Variants in HK1 observed in about 807,000 individuals in gnomAD.
HK1 encodes the protein hexokinase 1.
A neutral mutation model predicts 91.6 loss-of-function variants in HK1; 28 were observed. That is an observed-to-expected ratio of 0.31 (90% CI 0.23 to 0.42). The LOEUF (loss-of-function observed/expected upper bound fraction) is 0.42, where lower values mean the gene tolerates loss of function less well. Ranked by LOEUF, HK1 falls within the 10% of genes least tolerant of loss-of-function variation. The pLI is 1.00. For missense variants in HK1, 770 were observed against 1,219.8 expected (o/e 0.63, Z 5.49); for synonymous variants, 430 against 468.1 (o/e 0.92, Z 1.05).
At chr10:69,353,510 T>C (rs1360171796) in intron 2 of HK1, among the ~76,000 whole-genome samples, 3 of 152,066 alleles carry the variant, frequency 2.0e-5, no homozygotes, top group Middle Eastern at 3.4e-3. Context: ...GGAGGATCGC[T>C]TGGGCTCTGG....
At chr10:69,289,489 T>G (rs1845191930) in intron 3 of HK1, among the ~76,000 whole-genome samples, 1 of 121,564 alleles carries the variant, frequency 8.2e-6, no homozygotes, top group Admixed American at 9.0e-5. Flanking sequence ...TTTTTTTTTT[T>G]GAGATAGAGT....
intron 1 of HK1, 27 bp downstream of exon 1, chr10:69,319,037 G>T: frequency 6.3e-7 from 1 of 1,584,774 alleles, no homozygotes; most frequent in Non-Finnish European, 8.6e-7. Flanking sequence ...GCCGCCGCTG[G>T]TCCTGGCCGC....
chr10:69,302,265 A>G (rs540904038), intron 5 of HK1, among the ~76,000 whole-genome samples: 2 of 151,780 alleles, frequency 1.3e-5, no homozygotes, highest in South Asian at 4.2e-4. Context: ...GAAAAAAAAA[A>G]CTTATAAAGC....
intron 1 of HK1, among the ~76,000 whole-genome samples, chr10:69,276,939 C>T (rs540995648): frequency 3.1e-4 from 47 of 152,046 alleles, no homozygotes; most frequent in African/African-American, 9.9e-4. Flanking sequence ...TTTAGTCTCT[C>T]TTACCCCTAT....
Position 69,368,186 on chromosome 10 carries a change from A to T in HK1, c.496-350A>T, listed in dbSNP as rs936662093. ...TGGGAAGTGGGGAAGGGGGCCAGGG[A>T]TTTCTCTTGCTCCCTTTTAAAATAG... is the stretch of plus-strand genomic sequence containing the variant. On this transcript the variant is annotated intron_variant, in intron 4 of 17. Transcript: ENST00000359426. Among the ~76,000 whole-genome samples the T allele has an allele frequency of 2.0e-5, 3 of 152,280 alleles. 1 individual carries two copies. The highest frequency in any genetic ancestry group is 1.5e-5 in the Non-Finnish European group (1 of 68,008).
intron 17 of HK1, among the ~76,000 whole-genome samples, chr10:69,400,535 CT>C (rs1198145701): frequency 6.6e-6 from 1 of 152,172 alleles, no homozygotes; most frequent in African/African-American, 2.4e-5. Flanking sequence ...GCTTGGCTGG[CT>C]TGCACCTGCC....
intron 3 of HK1, among the ~76,000 whole-genome samples, chr10:69,360,956 G>A (rs1199051068): frequency 6.6e-6 from 1 of 152,252 alleles, no homozygotes; most frequent in African/African-American, 2.4e-5. Context: ...TTTAAGGAGG[G>A]TGTGCTCACC....
chr10:69,308,767 A>G (rs552337988), intron 5 of HK1, among the ~76,000 whole-genome samples: 2 of 152,234 alleles, frequency 1.3e-5, no homozygotes, highest in African/African-American at 4.8e-5. Context: ...TCTTCTCTCA[A>G]TTAGGCACTA....
At chr10:69,381,546 CTTTT>C (rs35306200) in intron 9 of HK1, among the ~76,000 whole-genome samples, 45 of 132,228 alleles carry the variant, frequency 3.4e-4, no homozygotes, top group Middle Eastern at 3.8e-3. Flanking sequence ...TCATCTTAAC[CTTTT>C]TTTTTTTTTT....
At chr10:69,328,517 C>T (rs116709257) in intron 1 of HK1, among the ~76,000 whole-genome samples, 4,484 of 152,296 alleles carry the variant, frequency 0.029, 98 homozygotes, top group African/African-American at 0.06. Context: ...CTTAGTTCAT[C>T]CCCACAACGC....
intron 1 of HK1, among the ~76,000 whole-genome samples, chr10:69,326,036 G>A (rs147963962): frequency 0.019 from 2,849 of 150,474 alleles, 102 homozygotes; most frequent in African/African-American, 0.066. Context: ...GGGTTTCACC[G>A]TGTTGGCCAG....
At position 69,380,136 on chromosome 10, in the gene HK1, T is replaced by A; in HGVS notation, c.1265+41T>A. The A allele has an allele frequency of 4.7e-6, 7 of 1,483,532 alleles. No homozygotes were observed. Among genetic ancestry groups the A allele is most frequent in the Non-Finnish European group, 6.6e-6 (7 of 1,060,996 alleles). 91.9% of individuals were successfully genotyped at this position (1,483,532 alleles called of 1,614,324 possible). A position where few individuals can be genotyped will look rare whatever the true frequency, so the allele number is the denominator to read the frequency against. On this transcript the variant is annotated intron_variant, in intron 9 of 17. Transcript: ENST00000359426. This position sits in a 1 kb window ranked among gnomAD's most constrained non-coding sequence, Gnocchi z 4.0. ...GCTATCATTGGCACTCTGTACCCAT[T>A]GTGGGTAGGGACCTTCTCCAGAGAT...
intron 3 of HK1, among the ~76,000 whole-genome samples, chr10:69,290,864 C>T (rs949710935): frequency 6.6e-6 from 1 of 152,176 alleles, no homozygotes; most frequent in Non-Finnish European, 1.5e-5. Context: ...AAGCTCTCAG[C>T]CTCATTCTCC....
chr10:69,362,393 T>C (rs1033354243), intron 3 of HK1, among the ~76,000 whole-genome samples: 8 of 151,594 alleles, frequency 5.3e-5, no homozygotes, highest in Non-Finnish European at 1.2e-4. Context: ...TGTGTATTTC[T>C]CAAATAAAGA....
upstream of HK1, chr10:69,318,807 C>A: frequency 1.4e-6 from 2 of 1,396,560 alleles, no homozygotes; most frequent in East Asian, 3.0e-5. Flanking sequence ...GAGCTGTCGC[C>A]GCGCCCCGGG....
At chr10:69,356,525 C>T (rs543724635) in intron 2 of HK1, among the ~76,000 whole-genome samples, 1 of 152,090 alleles carries the variant, frequency 6.6e-6, no homozygotes, top group Non-Finnish European at 1.5e-5. Context: ...AAATATTTGC[C>T]AGTCATATGT....
At chr10:69,376,912 G>T in intron 7 of HK1, 22 bp from the exon 8 acceptor site, 4 of 1,613,982 alleles carry the variant, frequency 2.5e-6, no homozygotes, top group Non-Finnish European at 3.4e-6. Flanking sequence ...GCTGACAAGT[G>T]CCGGTGTGCC....
chr10:69,336,832 G>A (rs1346023128), intron 1 of HK1, among the ~76,000 whole-genome samples: 1 of 150,106 alleles, frequency 6.7e-6, no homozygotes, highest in Non-Finnish European at 1.5e-5. Context: ...TAGTAGAGTT[G>A]GGGTTTCACC....
Position 69,379,943 on chromosome 10 carries a change from C to T in HK1, c.1113C>T (p.Val371=). 6.2e-7 allele frequency: 1 copy of T among 1,614,216 alleles called. No homozygotes were observed. Residue 371 remains valine, a synonymous_variant, in exon 9 of 18, where the codon GTC becomes GTT. Transcript: ENST00000359426. The part of the protein sequence containing the change: ...VEPSDDDCVS[V]QHVCTIVSFR... Reference sequence around the variant, plus strand: ...CGTCCGATGATGACTGTGTCTCAGTCCAGCACGTTTGCACCATTGTCTCAT... The same window carrying T: ...CGTCCGATGATGACTGTGTCTCAGTTCAGCACGTTTGCACCATTGTCTCAT...
Sources: allele counts gnomAD v4.1 joint callset (sites outside exome capture counted in the v4.1 genomes callset), GRCh38; gene constraint gnomAD v4.1.1; non-coding constraint Gnocchi (gnomAD v3.1); transcripts MANE v1.5; gene names NCBI Gene and HGNC (gene_info 2026-07-23, HGNC 2026-07-21).